PPP1R16B: variants seen among roughly 807,000 people sequenced by gnomAD.
PPP1R16B encodes protein phosphatase 1 regulatory subunit 16B, also known as protein phosphatase 1 regulatory inhibitor subunit 16B.
Under a neutral mutation model 61.7 loss-of-function variants are expected in PPP1R16B, and 14 were observed. The observed-to-expected ratio is 0.23, with a 90% CI of 0.15 to 0.35. The LOEUF is 0.35. Ranked by LOEUF, PPP1R16B falls within the 10% of genes least tolerant of loss-of-function variation. PPP1R16B has a pLI of 1.00. For missense variants in PPP1R16B, 547 were observed against 752.5 expected (o/e 0.73, Z 3.19); for synonymous variants, 266 against 305.3 (o/e 0.87, Z 1.34).
At chr20:38,834,685 A>G (rs916900769) in intron 1 of PPP1R16B, among the ~76,000 whole-genome samples, 2 of 152,196 alleles carry the variant, frequency 1.3e-5, no homozygotes, top group Non-Finnish European at 1.5e-5. Context: ...ATATCTGTCA[A>G]TATTTATCAT....
intron 2 of PPP1R16B, among the ~76,000 whole-genome samples, chr20:38,858,358 G>A (rs1387581719): frequency 6.6e-6 from 1 of 151,884 alleles, no homozygotes. Flanking sequence ...TGTGTCCTGG[G>A]TGGACACAAA....
Position 38,918,132 on chromosome 20 carries a change from G to A in PPP1R16B, c.1195-25G>A, listed in dbSNP as rs1450035698. ...TAGGTTCAGATCTTCCAGCCAGCTG[G>A]TAATGTTGTCCTTCTCACTCGCAGA... On this transcript the variant is annotated intron_variant, in intron 10 of 10. Transcript: ENST00000299824. This position sits in a 1 kb window ranked among gnomAD's most constrained non-coding sequence, Gnocchi z 5.3. The A allele has an allele frequency of 6.2e-7, 1 of 1,609,412 alleles. No homozygotes were observed. The highest frequency in any genetic ancestry group is 1.3e-5 in the African/African-American group (1 of 74,844).
At position 38,889,519 on chromosome 20, in the gene PPP1R16B, G is replaced by A. The variant is rs1045997812; in HGVS notation, c.251-76G>A. ...TTCTTCATAGGCCTGGGGGAGAGCG[G>A]GTCTTACCCGGGCCCCTGCATGCCT... On this transcript the variant is annotated intron_variant, in intron 2 of 10. Transcript: ENST00000299824. 1.2e-5 allele frequency: 16 copies of A among 1,292,016 alleles called. 1 individual carries two copies. In the African/African-American group the frequency reaches 2.1e-4, roughly 17 times the overall value. 80.0% of individuals were successfully genotyped at this position (1,292,016 alleles called of 1,614,324 possible).
chr20:38,903,479 C>T (rs551700246), intron 6 of PPP1R16B, among the ~76,000 whole-genome samples: 12 of 152,254 alleles, frequency 7.9e-5, no homozygotes, highest in African/African-American at 2.6e-4. Flanking sequence ...GGTTCCCTGA[C>T]TTCAGAGTCT....
intron 1 of PPP1R16B, among the ~76,000 whole-genome samples, chr20:38,828,529 T>C (rs1267821596): frequency 1.3e-5 from 2 of 152,230 alleles, no homozygotes; most frequent in African/African-American, 4.8e-5. Flanking sequence ...ACTGAAGTCC[T>C]GAGACCCCTT....
chr20:38,814,965 G>T (rs897447000), intron 1 of PPP1R16B, among the ~76,000 whole-genome samples: 2 of 152,164 alleles, frequency 1.3e-5, no homozygotes, highest in Non-Finnish European at 2.9e-5. Context: ...TGGATAGAGA[G>T]GAAATGTTGC....
At chr20:38,909,930 T>C (rs1021983657) in intron 10 of PPP1R16B, among the ~76,000 whole-genome samples, 7 of 152,332 alleles carry the variant, frequency 4.6e-5, no homozygotes, top group African/African-American at 1.7e-4. Flanking sequence ...TATTTTTCCT[T>C]TGTGATTGTG....
chr20:38,817,018 T>C (rs1206355863), intron 1 of PPP1R16B, among the ~76,000 whole-genome samples: 2 of 152,200 alleles, frequency 1.3e-5, no homozygotes, highest in Non-Finnish European at 2.9e-5. Flanking sequence ...TTGGCCAGCC[T>C]CCTGTCCACC....
At chr20:38,829,770 G>A (rs1053864745) in intron 1 of PPP1R16B, among the ~76,000 whole-genome samples, 12 of 152,240 alleles carry the variant, frequency 7.9e-5, no homozygotes, top group African/African-American at 2.9e-4. Flanking sequence ...CACCATGGCA[G>A]TTCTTTAATT....
Position 38,895,657 on chromosome 20 carries a change from C to T in PPP1R16B, c.414C>T (p.Leu138=). ...NAKDNELWTP[L]HAAATCGHIN... ...AGGACAACGAGCTGTGGACACCTCT[C>T]CATGCTGCAGCCACCTGCGGCCACA... The change falls in exon 4 of 11, where the codon CTC becomes CTT. Residue 138 remains leucine (L), a synonymous_variant. Coordinates refer to ENST00000299824, the MANE Select transcript of PPP1R16B (RefSeq NM_015568.4). The T allele has an allele frequency of 6.2e-7, 1 of 1,614,206 alleles. No individual in the cohort carries two copies. Among genetic ancestry groups the T allele is most frequent in the African/African-American group, 1.3e-5 (1 of 75,068 alleles).
chr20:38,818,727 G>T (rs1258111631), intron 1 of PPP1R16B, among the ~76,000 whole-genome samples: 2 of 151,854 alleles, frequency 1.3e-5, no homozygotes, highest in Non-Finnish European at 2.9e-5. Context: ...GGCAGTGGTC[G>T]AGTGTGTAGG....
intron 2 of PPP1R16B, among the ~76,000 whole-genome samples, chr20:38,868,813 C>T (rs1357471384): frequency 3.3e-5 from 5 of 152,108 alleles, no homozygotes; most frequent in African/African-American, 1.2e-4. Context: ...ATTTGTGTGA[C>T]CAGCACTGCA....
At chr20:38,868,124 C>T (rs1478673971) in intron 2 of PPP1R16B, among the ~76,000 whole-genome samples, 2 of 152,196 alleles carry the variant, frequency 1.3e-5, no homozygotes, top group African/African-American at 4.8e-5. Context: ...TATTTCAGGG[C>T]TTTCTTGTTA....
At chr20:38,886,929 A>C (rs6028178) in intron 2 of PPP1R16B, among the ~76,000 whole-genome samples, 3,852 of 152,348 alleles carry the variant, frequency 0.025, 136 homozygotes, top group African/African-American at 0.076. Flanking sequence ...CTCAAAGCCC[A>C]TAATTAGTTA....
chr20:38,865,075 G>A (rs931037889), intron 2 of PPP1R16B, among the ~76,000 whole-genome samples: 2 of 152,132 alleles, frequency 1.3e-5, no homozygotes, highest in Admixed American at 1.3e-4. Context: ...AGAATGGCCC[G>A]AGTTTCTGGT....
intron 1 of PPP1R16B, among the ~76,000 whole-genome samples, chr20:38,823,304 TTGC>T (rs1568653517): frequency 6.6e-6 from 1 of 152,170 alleles, no homozygotes; most frequent in African/African-American, 2.4e-5. Context: ...GAGAGGCCAG[TTGC>T]TGTTGTGAAT....
intron 2 of PPP1R16B, among the ~76,000 whole-genome samples, chr20:38,846,144 G>A (rs2084934435): frequency 6.6e-6 from 1 of 152,198 alleles, no homozygotes; most frequent in East Asian, 1.9e-4. Flanking sequence ...CTATAGGACT[G>A]TCCAAGTTGA....
intron 1 of PPP1R16B, among the ~76,000 whole-genome samples, chr20:38,815,866 C>T (rs891883799): frequency 6.6e-6 from 1 of 152,182 alleles, no homozygotes; most frequent in African/African-American, 2.4e-5. Flanking sequence ...AGGTTGATCC[C>T]ATCTCCTGGA....
chr20:38,811,909 G>A lies in PPP1R16B; in HGVS notation c.-102+6117G>A, dbSNP rs182292957. On this transcript the variant is annotated intron_variant, in intron 1 of 10. Coordinates refer to ENST00000299824, the MANE Select transcript of PPP1R16B (RefSeq NM_015568.4). ...CTGGACGATGAGCCCCATAAGGTCCGTGACTGTGTCCAATTCATTCAGCTG... is the reference window on the plus strand; with the variant it reads ...CTGGACGATGAGCCCCATAAGGTCCATGACTGTGTCCAATTCATTCAGCTG... Among the ~76,000 whole-genome samples, 13 of 152,296 alleles carry A rather than the reference G, an allele frequency of 8.5e-5. No individual in the cohort carries two copies. The East Asian group carries it at 1.2e-3, about 14-fold the overall frequency.
Sources: allele counts gnomAD v4.1 joint callset (sites outside exome capture counted in the v4.1 genomes callset), GRCh38; gene constraint gnomAD v4.1.1; non-coding constraint Gnocchi (gnomAD v3.1); transcripts MANE v1.5; gene names NCBI Gene and HGNC (gene_info 2026-07-23, HGNC 2026-07-21).